The following ERBB4 variants were observed in gnomAD, a reference collection of about 807,000 sequenced individuals.
The protein encoded by ERBB4 is erb-b2 receptor tyrosine kinase 4.
Under a neutral mutation model 158.0 loss-of-function variants are expected in ERBB4, and 42 were observed. That is an observed-to-expected ratio of 0.27 (90% CI 0.21 to 0.34). The LOEUF (loss-of-function observed/expected upper bound fraction) is 0.34. Ranked by LOEUF, ERBB4 falls within the 10% of genes least tolerant of loss-of-function variation. The pLI is 1.00. For missense variants in ERBB4, 1,333 were observed against 1,624.1 expected (o/e 0.82, Z 3.08); for synonymous variants, 583 against 558.7 (o/e 1.04, Z -0.61).
At chr2:212,443,287 T>C (rs2092289627) in intron 1 of ERBB4, among the ~76,000 whole-genome samples, 1 of 152,256 alleles carries the variant, frequency 6.6e-6, no homozygotes, top group Non-Finnish European at 1.5e-5. Flanking sequence ...CATGACATTA[T>C]GCTGATTAGA....
At chr2:211,723,388 AT>A (rs2106125307) in intron 6 of ERBB4, among the ~76,000 whole-genome samples, 1 of 152,318 alleles carries the variant, frequency 6.6e-6, no homozygotes, top group South Asian at 2.1e-4. Flanking sequence ...AAATTAAGCC[AT>A]TTTAGGAATG....
chr2:212,342,000 T>C (rs1381194919), intron 1 of ERBB4, among the ~76,000 whole-genome samples: 3 of 152,154 alleles, frequency 2.0e-5, no homozygotes, highest in African/African-American at 7.2e-5. Context: ...GGTTCAGACC[T>C]GTAATCCCAA....
intron 1 of ERBB4, among the ~76,000 whole-genome samples, chr2:212,486,247 TGA>T (rs1454516660): frequency 6.6e-6 from 1 of 151,832 alleles, no homozygotes; most frequent in Non-Finnish European, 1.5e-5. Flanking sequence ...CTTGGTAAAA[TGA>T]GGGGAGAAGG....
intron 1 of ERBB4, among the ~76,000 whole-genome samples, chr2:212,503,745 C>T (rs776408090): frequency 6.6e-6 from 1 of 152,130 alleles, no homozygotes; most frequent in Non-Finnish European, 1.5e-5. Flanking sequence ...CAAAGCATTA[C>T]GTGACCTTTA....
chr2:211,944,101 GGT>G lies in ERBB4; in HGVS notation c.421+3327_421+3328del, dbSNP rs1235200761. On this transcript the variant is annotated intron_variant, in intron 3 of 27. Coordinates refer to ENST00000342788, the MANE Select transcript of ERBB4 (RefSeq NM_005235.3). ...TTACACTATATATATATATATACAT[GGT>G]TACACTATATATATATACACACTAT... Among the ~76,000 whole-genome samples, 862 of 91,128 alleles carry G rather than the reference GGT, an allele frequency of 9.5e-3. 9 individuals carry two copies. The highest frequency in any genetic ancestry group is 0.041 in the African/African-American group (687 of 16,926). The allele number at this position is 91,128 out of a possible 152,430, so 59.8% of individuals were successfully genotyped here.
intron 1 of ERBB4, among the ~76,000 whole-genome samples, chr2:212,218,448 T>C (rs1246974680): frequency 1.3e-5 from 2 of 151,304 alleles, no homozygotes; most frequent in South Asian, 2.1e-4. Flanking sequence ...TTTGCATCCT[T>C]GCTTACTATT....
intron 1 of ERBB4, among the ~76,000 whole-genome samples, chr2:212,298,494 G>T (rs1018179827): frequency 6.6e-6 from 1 of 151,698 alleles, no homozygotes; most frequent in African/African-American, 2.4e-5. Context: ...CTGAGGAACT[G>T]TCATAACTAG....
chr2:211,823,669 T>A (rs1329640545), intron 3 of ERBB4, among the ~76,000 whole-genome samples: 5 of 152,036 alleles, frequency 3.3e-5, no homozygotes, highest in African/African-American at 1.2e-4. Context: ...AAATTCATAT[T>A]TCTACTGCAT....
intron 15 of ERBB4, among the ~76,000 whole-genome samples, chr2:211,662,701 TAA>T (rs1559393256): frequency 6.6e-6 from 1 of 152,218 alleles, no homozygotes; most frequent in African/African-American, 2.4e-5. Flanking sequence ...TGACCTATTT[TAA>T]AAGTGTCTAG....
chr2:212,198,964 A>G (rs1489604732), intron 1 of ERBB4, among the ~76,000 whole-genome samples: 1 of 152,024 alleles, frequency 6.6e-6, no homozygotes, highest in Non-Finnish European at 1.5e-5. Context: ...CAATGCTGCT[A>G]TGAACATTAA....
At chr2:211,768,095 A>T (rs1392831058) in intron 4 of ERBB4, among the ~76,000 whole-genome samples, 1 of 152,218 alleles carries the variant, frequency 6.6e-6, no homozygotes, top group Non-Finnish European at 1.5e-5. Flanking sequence ...GAAATTGGCC[A>T]AAATGAAGGG....
At chr2:211,659,701 A>G (rs1254219877) in intron 15 of ERBB4, among the ~76,000 whole-genome samples, 2 of 152,346 alleles carry the variant, frequency 1.3e-5, no homozygotes, top group African/African-American at 4.8e-5. Context: ...ATTCATTAAA[A>G]AAAGCACTGT....
intron 20 of ERBB4, among the ~76,000 whole-genome samples, chr2:211,524,773 G>A (rs2125647328): frequency 6.6e-6 from 1 of 152,274 alleles, no homozygotes; most frequent in African/African-American, 2.4e-5. Flanking sequence ...ACACCTCCCT[G>A]CAAGCTGAGG....
intron 1 of ERBB4, among the ~76,000 whole-genome samples, chr2:212,229,699 A>G (rs2083599005): frequency 6.6e-6 from 1 of 152,186 alleles, no homozygotes; most frequent in Admixed American, 6.5e-5. Flanking sequence ...CAGGTGATAA[A>G]TAATGAGGAT....
chr2:211,724,414 A>C (rs2074200834), intron 6 of ERBB4, among the ~76,000 whole-genome samples: 1 of 151,324 alleles, frequency 6.6e-6, no homozygotes, highest in Non-Finnish European at 1.5e-5. Flanking sequence ...AGAGAAAAAA[A>C]TTTCTGTGTT....
At chr2:212,276,285 T>C (rs535569377) in intron 1 of ERBB4, among the ~76,000 whole-genome samples, 8 of 151,914 alleles carry the variant, frequency 5.3e-5, no homozygotes, top group African/African-American at 1.7e-4. Context: ...ACTTTAGATA[T>C]CTGTTCATAA....
At chr2:212,374,069 CATAT>C (rs533237770) in intron 1 of ERBB4, among the ~76,000 whole-genome samples, 3 of 77,538 alleles carry the variant, frequency 3.9e-5, no homozygotes. Flanking sequence ...CATATATATC[CATAT>C]ATATATCCAT....
At chr2:212,106,716 A>G (rs2079239283) in intron 2 of ERBB4, among the ~76,000 whole-genome samples, 1 of 152,152 alleles carries the variant, frequency 6.6e-6, no homozygotes, top group African/African-American at 2.4e-5. Context: ...CCTAGGAGGG[A>G]AAAATGGTTT....
At chr2:212,188,152 A>G (rs1352808289) in intron 1 of ERBB4, among the ~76,000 whole-genome samples, 1 of 139,864 alleles carries the variant, frequency 7.1e-6, no homozygotes, top group East Asian at 2.2e-4. Context: ...CAAATCCCAA[A>G]TCCTGTCAGA....
Sources: allele counts gnomAD v4.1 joint callset (sites outside exome capture counted in the v4.1 genomes callset), GRCh38; gene constraint gnomAD v4.1.1; transcripts MANE v1.5; gene names NCBI Gene and HGNC (gene_info 2026-07-23, HGNC 2026-07-21).